The following SPATA31H1 variants were observed in gnomAD, a reference collection of about 807,000 sequenced individuals.
The protein encoded by SPATA31H1 is SPATA31 subfamily H member 1, also known as spermatogenesis-associated protein 31H1.
At chr2:27,573,421 C>G in the SPATA31H1 span, 1 of 398,448 alleles carries the variant, frequency 2.5e-6, no homozygotes, top group South Asian at 1.3e-4. Context: ...CGAGTTGTCA[C>G]AACTGTAGAA....
At chr2:27,540,164 G>A in the SPATA31H1 span, among the ~76,000 whole-genome samples, 37 of 84,930 alleles carry the variant, frequency 4.4e-4, no homozygotes, top group Admixed American at 9.5e-4. Context: ...CCTCCCTCCC[G>A]GACGGGGCGG....
chr2:27,567,890 A>G, the SPATA31H1 span: 2 of 398,924 alleles, frequency 5.0e-6, no homozygotes, highest in African/African-American at 4.1e-5. Context: ...TGATCCCAGA[A>G]TCACATTCAG....
the SPATA31H1 span, among the ~76,000 whole-genome samples, chr2:27,550,216 T>C: frequency 6.9e-6 from 1 of 144,086 alleles, no homozygotes; most frequent in Admixed American, 6.9e-5. Context: ...GATGGTATAG[T>C]GGGGATTCTT....
At chr2:27,578,320 C>G in the SPATA31H1 span, 1 of 1,614,162 alleles carries the variant, frequency 6.2e-7, no homozygotes, top group East Asian at 2.2e-5. Context: ...GTGGAGTTGA[C>G]AGGGTTTCAA....
chr2:27,580,508 G>A, the SPATA31H1 span: 3 of 1,614,182 alleles, frequency 1.9e-6, no homozygotes, highest in Non-Finnish European at 2.5e-6. Context: ...CCACAATAGA[G>A]AGTCCTTCTA....
the SPATA31H1 span, among the ~76,000 whole-genome samples, chr2:27,553,246 TC>T: frequency 1.3e-5 from 2 of 152,082 alleles, 1 homozygote; most frequent in African/African-American, 4.8e-5. Flanking sequence ...TCCAGGTTAT[TC>T]TTTCCTTGTC....
the SPATA31H1 span, chr2:27,566,474 G>T: frequency 1.5e-6 from 1 of 668,274 alleles, no homozygotes; most frequent in Admixed American, 2.3e-5. Context: ...AGGGAGAGAG[G>T]GAGAAGAGAG....
chr2:27,563,057 A>G, the SPATA31H1 span, among the ~76,000 whole-genome samples: 1 of 151,846 alleles, frequency 6.6e-6, no homozygotes, highest in East Asian at 1.9e-4. Flanking sequence ...TAATATCTTG[A>G]TACTTTTATA....
the SPATA31H1 span, chr2:27,565,483 G>T: frequency 1.4e-6 from 1 of 697,522 alleles, no homozygotes; most frequent in South Asian, 1.6e-5. Flanking sequence ...GAGGGAGGTT[G>T]AAAAAGAGGA....
At chr2:27,569,957 G>A in the SPATA31H1 span, 1 of 398,790 alleles carries the variant, frequency 2.5e-6, no homozygotes, top group Non-Finnish European at 4.4e-6. Flanking sequence ...CTGATGAATT[G>A]ACCTCAGATT....
At chr2:27,576,651 A>T in the SPATA31H1 span, 2 of 1,613,486 alleles carry the variant, frequency 1.2e-6, no homozygotes, top group South Asian at 2.2e-5. Context: ...TGTGAAATCA[A>T]TGATGTTGGT....
the SPATA31H1 span, chr2:27,573,203 G>T: frequency 7.5e-6 from 3 of 398,294 alleles, no homozygotes; most frequent in African/African-American, 2.1e-5. Context: ...GGCCACAGTT[G>T]CAATGTGTGA....
chr2:27,561,332 C>CA, the SPATA31H1 span, among the ~76,000 whole-genome samples: 1 of 151,900 alleles, frequency 6.6e-6, no homozygotes, highest in African/African-American at 2.4e-5. Context: ...TGTCTCAAAA[C>CA]AAAAAACTAA....
chr2:27,539,272 A>G, the SPATA31H1 span, among the ~76,000 whole-genome samples: 1 of 150,316 alleles, frequency 6.7e-6, no homozygotes, highest in Non-Finnish European at 1.5e-5. Context: ...GGCCTTCCGC[A>G]GTGTTTGTGT....
At chr2:27,558,685 G>A in the SPATA31H1 span, among the ~76,000 whole-genome samples, 1 of 32,760 alleles carries the variant, frequency 3.1e-5, no homozygotes, top group East Asian at 5.9e-4. Flanking sequence ...GATCACTCGC[G>A]GCTAGGAGCT....
At chr2:27,543,494 T>TA in the SPATA31H1 span, among the ~76,000 whole-genome samples, 1 of 151,198 alleles carries the variant, frequency 6.6e-6, no homozygotes, top group Non-Finnish European at 1.5e-5. Flanking sequence ...AAGGGCTTTT[T>TA]TTTTGTCTAT....
At chr2:27,539,400 A>C in the SPATA31H1 span, among the ~76,000 whole-genome samples, 8 of 125,386 alleles carry the variant, frequency 6.4e-5, no homozygotes, top group East Asian at 1.4e-3. Flanking sequence ...CTGAGTGGAC[A>C]CAGCACATGT....
chr2:27,580,195 C>T, the SPATA31H1 span: 1 of 1,614,204 alleles, frequency 6.2e-7, no homozygotes. Flanking sequence ...ACTCAAGCTT[C>T]CAAGAGTCCT....
chr2:27,577,575 T>G, the SPATA31H1 span: 1 of 1,614,158 alleles, frequency 6.2e-7, no homozygotes, highest in Non-Finnish European at 8.5e-7. The surrounding 1 kb of genome is among the most constrained non-coding windows in gnomAD (Gnocchi z 4.5). Flanking sequence ...ATCTGTGGTA[T>G]TGATTCCAAA....
Sources: gnomAD v4.1 joint callset for allele counts (sites outside exome capture counted in the v4.1 genomes callset) on GRCh38, gnomAD v4.1.1 for gene constraint, Gnocchi (gnomAD v3.1) non-coding constraint, MANE v1.5 for transcripts, NCBI Gene and HGNC (gene_info 2026-07-23, HGNC 2026-07-21) for gene names.